PDE8B: variants seen among roughly 807,000 people sequenced by gnomAD.
PDE8B encodes high affinity cAMP-specific and IBMX-insensitive 3',5'-cyclic phosphodiesterase 8B.
A neutral mutation model predicts 101.3 loss-of-function variants in PDE8B; 26 were observed. The ratio of observed to expected loss-of-function variants is 0.26; its 90% confidence interval spans 0.19 to 0.36. The LOEUF (loss-of-function observed/expected upper bound fraction) is 0.36, where lower values mean the gene tolerates loss of function less well. PDE8B is among the 10% of genes least tolerant of loss of function. PDE8B has a pLI of 1.00. For synonymous variants in PDE8B, 424 were observed against 429.3 expected (o/e 0.99, Z 0.15); for missense variants, 810 against 1,163.1 (o/e 0.70, Z 4.42).
chr5:77,253,239 G>A (rs1479257056), intron 1 of PDE8B, among the ~76,000 whole-genome samples: 3 of 152,186 alleles, frequency 2.0e-5, no homozygotes, highest in Non-Finnish European at 2.9e-5. Context: ...TATTGTAAAT[G>A]AGTATAAATT....
chr5:77,307,796 T>G (rs896260363), intron 1 of PDE8B, among the ~76,000 whole-genome samples: 1 of 152,172 alleles, frequency 6.6e-6, no homozygotes, highest in Middle Eastern at 3.2e-3. Flanking sequence ...GAAGTGTGTC[T>G]CTCTTCACAC....
intron 10 of PDE8B, among the ~76,000 whole-genome samples, chr5:77,379,133 C>T (rs893311274): frequency 6.6e-6 from 1 of 152,106 alleles, no homozygotes; most frequent in Non-Finnish European, 1.5e-5. Flanking sequence ...GAATGTAGAG[C>T]CAGTGGGCAC....
the PDE8B span, among the ~76,000 whole-genome samples, chr5:77,181,721 G>A: frequency 6.6e-6 from 1 of 152,300 alleles, no homozygotes; most frequent in South Asian, 2.1e-4. Context: ...GGAGGTCAGG[G>A]TGGCTGGGGG....
chr5:77,297,522 G>T (rs1768869550), intron 1 of PDE8B, among the ~76,000 whole-genome samples: 2 of 152,154 alleles, frequency 1.3e-5, no homozygotes, highest in Non-Finnish European at 2.9e-5. Context: ...TGCTGATGCT[G>T]CTGGTTCAGG....
At chr5:77,198,965 T>C in the PDE8B span, among the ~76,000 whole-genome samples, 4 of 152,218 alleles carry the variant, frequency 2.6e-5, no homozygotes, top group African/African-American at 9.6e-5. Context: ...GTGATCCCTA[T>C]GTCTTATTCG....
chr5:77,157,073 C>T, the PDE8B span, among the ~76,000 whole-genome samples: 1 of 152,148 alleles, frequency 6.6e-6, no homozygotes, highest in East Asian at 1.9e-4. Context: ...TGGTGACTTT[C>T]TTTAATCGCC....
At chr5:77,124,368 T>C in the PDE8B span, among the ~76,000 whole-genome samples, 206 of 152,130 alleles carry the variant, frequency 1.4e-3, no homozygotes, top group African/African-American at 4.7e-3. Context: ...GGCGGGTGGA[T>C]TGCTTGAGCC....
rs1367853028 is a variant in PDE8B, at chr5:77,426,133, C to CT, written c.2548+239dup. ...TAGCTGGATAAACGAGTCTCTGCCTCTTCAAAGGACACGCTGCCAAAGCTT... is the reference window on the plus strand; with the variant it reads ...TAGCTGGATAAACGAGTCTCTGCCTCTTTCAAAGGACACGCTGCCAAAGCTT... On this transcript the variant is annotated intron_variant, in intron 21 of 21. Transcript: ENST00000264917. 6.3e-5 allele frequency: 38 copies of CT among 600,326 alleles called. No homozygotes were observed. The African/African-American group carries it at 7.0e-4, about 11-fold the overall frequency. 37.2% of individuals were successfully genotyped at this position (600,326 alleles called of 1,614,324 possible).
rs143380830 is a variant in PDE8B at position 77,219,048 on chromosome 5, A to G, written c.339+7784A>G. ...AGAGATGACATAGTAGAATCTTGCC[A>G]GTCCAAGGCCCAAGCTGGGGTTTGG... On this transcript the variant is annotated intron_variant, in intron 1 of 21. Transcript: ENST00000264917. 3.7e-4 allele frequency among the ~76,000 whole-genome samples: 56 copies of G among 152,314 alleles called. No homozygotes were observed. In the East Asian group the frequency reaches 0.01, roughly 27 times the overall value.
rs190443550 is a variant in PDE8B, at chr5:77,423,813, T to G, written c.2418+1825T>G. On this transcript the variant is annotated intron_variant, in intron 20 of 21. Coordinates refer to ENST00000264917, the MANE Select transcript of PDE8B (RefSeq NM_003719.5). Reference sequence around the variant, plus strand: ...TGCCATGCCCGGCTAATTTTTTGTATTTTAGTAGAGATGGGGTTTCCCTGT... The same window carrying G: ...TGCCATGCCCGGCTAATTTTTTGTAGTTTAGTAGAGATGGGGTTTCCCTGT... Among the ~76,000 whole-genome samples, 380 of 151,828 alleles carry G rather than the reference T, an allele frequency of 2.5e-3. 3 individuals carry two copies. The highest frequency in any genetic ancestry group is 0.01 in the South Asian group (48 of 4,800).
the PDE8B span, among the ~76,000 whole-genome samples, chr5:77,204,281 T>C: frequency 4.2e-4 from 64 of 151,858 alleles, no homozygotes; most frequent in African/African-American, 1.5e-3. Context: ...TGTGGTGGCA[T>C]GCACCTGTAT....
chr5:77,413,161 A>G lies in PDE8B; in HGVS notation c.1763A>G (p.Glu588Gly). 6.2e-7 allele frequency: 1 copy of G among 1,613,972 alleles called. No homozygotes were observed. The highest frequency in any genetic ancestry group is 8.5e-7 in the Non-Finnish European group (1 of 1,179,958). Residue 588 changes from glutamate (E) to glycine (G), a missense_variant, in exon 17 of 22, where the codon GAA becomes GGA. By Grantham distance (98) the Glu-to-Gly change is moderately conservative. Transcript: ENST00000264917. ...LKVFSRFGVC[E>G]FLNCSETTLR... ...GTCTTCTCTCGGTTTGGAGTATGTGAATTTTTAAACTGTTCTGAAACCACT... is the reference window on the plus strand; with the variant it reads ...GTCTTCTCTCGGTTTGGAGTATGTGGATTTTTAAACTGTTCTGAAACCACT...
chr5:77,210,516 G>A (rs1580324491), upstream of PDE8B: 1 of 574,866 alleles, frequency 1.7e-6, no homozygotes, highest in South Asian at 7.1e-5. This position sits in a 1 kb window ranked among gnomAD's most constrained non-coding sequence, Gnocchi z 4.9. Flanking sequence ...GCGGGCAGGC[G>A]GGCGGGCGCC....
At chr5:77,382,086 G>C (rs1314448376) in intron 10 of PDE8B, among the ~76,000 whole-genome samples, 9 of 152,120 alleles carry the variant, frequency 5.9e-5, no homozygotes, top group Non-Finnish European at 1.3e-4. Flanking sequence ...ATACTCAGTT[G>C]AACATACAAT....
the PDE8B span, among the ~76,000 whole-genome samples, chr5:77,165,033 C>T: frequency 6.6e-6 from 1 of 152,150 alleles, no homozygotes; most frequent in Non-Finnish European, 1.5e-5. Context: ...CCCTGATTTA[C>T]AGTGTTAGCC....
the PDE8B span, among the ~76,000 whole-genome samples, chr5:77,121,723 G>A: frequency 2.0e-5 from 3 of 152,142 alleles, no homozygotes; most frequent in African/African-American, 4.8e-5. Context: ...GGCCAGGCTG[G>A]TCTTGAACTC....
rs1798382619 is a variant in PDE8B, at chr5:77,427,638, T to C, written c.*1084T>C. On this transcript the variant is annotated 3_prime_UTR_variant, in exon 22 of 22. Coordinates refer to ENST00000264917, the MANE Select transcript of PDE8B (RefSeq NM_003719.5). ...GTAAATATATCAGAAAATAGGCATATGGGGAGGCAGTAAATACTATTTTAA... is the reference window on the plus strand; with the variant it reads ...GTAAATATATCAGAAAATAGGCATACGGGGAGGCAGTAAATACTATTTTAA... 6.6e-6 allele frequency: 1 copy of C among 152,160 alleles called. No homozygotes were observed. Among genetic ancestry groups the C allele is most frequent in the Non-Finnish European group, 1.5e-5 (1 of 68,036 alleles). 9.4% of individuals were successfully genotyped at this position (152,160 alleles called of 1,614,324 possible).
intron 1 of PDE8B, among the ~76,000 whole-genome samples, chr5:77,280,428 A>G (rs1014592101): frequency 1.3e-5 from 2 of 152,206 alleles, no homozygotes; most frequent in African/African-American, 4.8e-5. Flanking sequence ...ATGAAAACAA[A>G]TTTCTGGAAA....
At chr5:77,400,154 C>G (rs557159767) in intron 10 of PDE8B, 94 bp from the exon 11 acceptor site, 6 of 878,112 alleles carry the variant, frequency 6.8e-6, no homozygotes, top group African/African-American at 1.6e-5. Context: ...TTCAAGTCTT[C>G]AGAGCTTTTT....
Sources: gnomAD v4.1 joint callset for allele counts (sites outside exome capture counted in the v4.1 genomes callset) on GRCh38, gnomAD v4.1.1 for gene constraint, Gnocchi (gnomAD v3.1) non-coding constraint, MANE v1.5 for transcripts, NCBI Gene and HGNC (gene_info 2026-07-23, HGNC 2026-07-21) for gene names.